Variants in WDR17 observed in about 807,000 individuals in gnomAD.
The protein encoded by WDR17 is WD repeat-containing protein 17.
In WDR17, 143 loss-of-function variants were observed where a neutral mutation model predicts 161.7. That is an observed-to-expected ratio of 0.88 (90% CI 0.77 to 1.02). The LOEUF (loss-of-function observed/expected upper bound fraction) is 1.02, where lower values mean the gene tolerates loss of function less well. WDR17 is among the 50% of genes least tolerant of loss of function. The pLI, the probability that WDR17 is intolerant of heterozygous loss-of-function variation, is 0.00. For missense variants in WDR17, 1,469 were observed against 1,520.9 expected, an observed-to-expected ratio of 0.97 and a Z score of 0.57; for synonymous variants, 517 against 515.6, an observed-to-expected ratio of 1.00 and a Z score of -0.04.
intron 2 of WDR17, among the ~76,000 whole-genome samples, chr4:176,112,031 GT>G: frequency 6.6e-6 from 1 of 152,208 alleles, no homozygotes; most frequent in East Asian, 1.9e-4. Flanking sequence ...GTATAACTAT[GT>G]TTTTCGTGTC....
chr4:176,159,867 A>G (rs1748761341), intron 18 of WDR17, 127 bp from the exon 19 acceptor site: 1 of 849,336 alleles, frequency 1.2e-6, no homozygotes, highest in Non-Finnish European at 1.7e-6. Context: ...TGTCTTTTTT[A>G]AAAGTGGTAT....
intron 1 of WDR17, among the ~76,000 whole-genome samples, chr4:176,078,043 CT>C (rs1221798582): frequency 2.6e-5 from 4 of 151,890 alleles, no homozygotes; most frequent in African/African-American, 7.3e-5. Context: ...GTTGTGCACT[CT>C]TTTTGTCTAT....
chr4:176,078,879 G>A (rs1351369991), intron 1 of WDR17, among the ~76,000 whole-genome samples: 1 of 151,914 alleles, frequency 6.6e-6, no homozygotes, highest in Non-Finnish European at 1.5e-5. Context: ...TGTATTGGGA[G>A]CATTCAAAGT....
intron 1 of WDR17, among the ~76,000 whole-genome samples, chr4:176,099,650 G>A (rs1737484449): frequency 6.6e-6 from 1 of 152,038 alleles, no homozygotes; most frequent in Non-Finnish European, 1.5e-5. Context: ...TGCATAGATT[G>A]CACAGTGATC....
chr4:176,168,603 T>G, intron 22 of WDR17, 69 bp from the exon 23 acceptor site: 214 of 1,578,656 alleles, frequency 1.4e-4, no homozygotes, highest in Non-Finnish European at 1.7e-4. Context: ...TGCCCTTCTT[T>G]GAGATAGTTA....
Position 176,177,470 on chromosome 4 carries a change from G to T in WDR17, c.3549-1G>T, listed in dbSNP as rs1561225396. On this transcript the variant is annotated splice_acceptor_variant, in intron 27 of 28. Transcript: ENST00000508596. LOFTEE classifies it high-confidence loss of function. ...AATTTTGATATCTGTTGAAAATATA[G>T]ATCATTAGAAGACTCTCCGTATACA... The T allele has an allele frequency of 1.3e-6, 2 of 1,534,626 alleles. No individual in the cohort carries two copies. Among genetic ancestry groups the T allele is most frequent in the East Asian group, 2.3e-5 (1 of 43,382 alleles).
chr4:176,167,050 ATAGT>A (rs1367902653), intron 22 of WDR17, among the ~76,000 whole-genome samples: 1 of 152,142 alleles, frequency 6.6e-6, no homozygotes, highest in Non-Finnish European at 1.5e-5. Flanking sequence ...TACTGTCCTG[ATAGT>A]TTGTGACGTG....
At chr4:176,152,114 A>G (rs1747229935) in intron 17 of WDR17, 147 bp downstream of exon 17, 15 of 682,128 alleles carry the variant, frequency 2.2e-5, no homozygotes, top group Non-Finnish European at 3.5e-5. Flanking sequence ...GTTCGATACT[A>G]GCCTGAGCAA....
chr4:176,173,242 C>A, intron 24 of WDR17, 25 bp from the exon 25 acceptor site: 1 of 1,477,882 alleles, frequency 6.8e-7, no homozygotes, highest in Non-Finnish European at 9.3e-7. Flanking sequence ...TTTAATGAAT[C>A]TTCCATCTGG....
intron 1 of WDR17, among the ~76,000 whole-genome samples, chr4:176,072,207 C>T (rs1436944967): frequency 1.3e-5 from 2 of 152,226 alleles, no homozygotes; most frequent in Admixed American, 6.5e-5. Flanking sequence ...CTCAGGTAAA[C>T]TCAAGCATGT....
intron 4 of WDR17, among the ~76,000 whole-genome samples, chr4:176,120,314 ATAT>A (rs897320148): frequency 9.0e-5 from 13 of 144,568 alleles, no homozygotes; most frequent in African/African-American, 3.4e-4. Context: ...ATATATATAT[ATAT>A]ATAATACATT....
chr4:176,088,609 C>G (rs1735717878), intron 1 of WDR17, among the ~76,000 whole-genome samples: 1 of 152,156 alleles, frequency 6.6e-6, no homozygotes, highest in Admixed American at 6.5e-5. Context: ...CTCAAGTACA[C>G]ATTTTCTGTG....
intron 3 of WDR17, among the ~76,000 whole-genome samples, chr4:176,118,498 C>A (rs1282173524): frequency 6.6e-6 from 1 of 152,116 alleles, no homozygotes; most frequent in African/African-American, 2.4e-5. Context: ...ATGGGTCAGG[C>A]CCTGAAGTAG....
At chr4:176,066,108 C>G (rs1008500985) in intron 1 of WDR17, 29 bp downstream of exon 1, 3 of 152,278 alleles carry the variant, frequency 2.0e-5, no homozygotes, top group African/African-American at 7.2e-5. Flanking sequence ...CGCAGAGATA[C>G]CAAGGCAAGC....
intron 1 of WDR17, among the ~76,000 whole-genome samples, chr4:176,089,295 C>T (rs1735813727): frequency 6.6e-6 from 1 of 152,122 alleles, no homozygotes; most frequent in African/African-American, 2.4e-5. Context: ...CTTCTAATAA[C>T]ACAGAATTAA....
chr4:176,137,419 T>A (rs1475548897), intron 8 of WDR17, 101 bp from the exon 9 acceptor site: 1 of 837,776 alleles, frequency 1.2e-6, no homozygotes, highest in South Asian at 1.7e-5. Flanking sequence ...AAAGAACTAG[T>A]CTGCAAATCA....
chr4:176,121,160 A>C (rs1019598588), intron 4 of WDR17, among the ~76,000 whole-genome samples: 11 of 152,180 alleles, frequency 7.2e-5, no homozygotes, highest in Admixed American at 5.2e-4. Context: ...AAAGATTAGC[A>C]TGAGGAGGGA....
intron 11 of WDR17, among the ~76,000 whole-genome samples, chr4:176,143,517 G>T (rs1435433475): frequency 3.9e-5 from 5 of 127,848 alleles, no homozygotes. Flanking sequence ...AAAAAAAAAT[G>T]AAAAATGAAA....
chr4:176,177,875 G>C (rs935858216), intron 28 of WDR17, among the ~76,000 whole-genome samples: 1 of 151,032 alleles, frequency 6.6e-6, no homozygotes, highest in Non-Finnish European at 1.5e-5. Context: ...TACCACAGAA[G>C]CAATTCATGT....
Sources: allele counts gnomAD v4.1 joint callset (sites outside exome capture counted in the v4.1 genomes callset), GRCh38; gene constraint gnomAD v4.1.1; transcripts MANE v1.5; gene names NCBI Gene and HGNC (gene_info 2026-07-23, HGNC 2026-07-21).